Variants in DLGAP4 observed in about 807,000 individuals in gnomAD.
The protein encoded by DLGAP4 is DLG associated protein 4.
In DLGAP4, 18 loss-of-function variants were observed where a neutral mutation model predicts 86.9. The ratio of observed to expected loss-of-function variants is 0.21; its 90% CI spans 0.14 to 0.31. DLGAP4 has a LOEUF of 0.31. DLGAP4 is among the 10% of genes least tolerant of loss of function. The probability of loss-of-function intolerance (pLI) is 1.00; values close to 1 mark genes in which losing one functional copy is unlikely to be tolerated. For synonymous variants in DLGAP4, 548 were observed against 574.3 expected (o/e 0.95, Z 0.65); for missense variants, 1,085 against 1,362.6 (o/e 0.80, Z 3.21).
chr20:36,508,034 T>G (rs1386344250), intron 10 of DLGAP4: 3 of 152,268 alleles, frequency 2.0e-5, no homozygotes, highest in African/African-American at 7.2e-5. Context: ...ACCCTGAGGC[T>G]GCATCCTTTT....
chr20:36,521,315 A>T (rs1286864381), intron 10 of DLGAP4, among the ~76,000 whole-genome samples: 3 of 152,152 alleles, frequency 2.0e-5, no homozygotes. Flanking sequence ...ACTCTGATAG[A>T]TGCATGTTCT....
intron 2 of DLGAP4, among the ~76,000 whole-genome samples, chr20:36,387,772 T>A (rs2031648752): frequency 6.6e-6 from 1 of 152,234 alleles, no homozygotes; most frequent in Admixed American, 6.5e-5. Flanking sequence ...CTCACTGATT[T>A]GAAATACCAT....
chr20:36,336,605 G>A (rs2065324581), intron 1 of DLGAP4, among the ~76,000 whole-genome samples: 1 of 152,212 alleles, frequency 6.6e-6, no homozygotes, highest in South Asian at 2.1e-4. Flanking sequence ...ACCAGCAGGT[G>A]TTTGTGGATG....
intron 2 of DLGAP4, among the ~76,000 whole-genome samples, chr20:36,430,730 G>A (rs1460540642): frequency 3.3e-5 from 5 of 151,692 alleles, no homozygotes; most frequent in Admixed American, 6.6e-5. Context: ...CAAGGTGGGC[G>A]GATCACTTGA....
At chr20:36,498,763 G>A (rs1430788662) in intron 8 of DLGAP4, 1 of 156,296 alleles carries the variant, frequency 6.4e-6, no homozygotes. Context: ...TTGAGTGTGG[G>A]TTTCTCCCTC....
chr20:36,365,901 A>T lies in DLGAP4; in HGVS notation c.-303-1144A>T, dbSNP rs192546717. 2.7e-3 allele frequency among the ~76,000 whole-genome samples: 413 copies of T among 152,006 alleles called. 4 individuals carry two copies. The highest frequency in any genetic ancestry group is 1.3e-3 in the Non-Finnish European group (86 of 67,956). On this transcript the variant is annotated intron_variant, in intron 1 of 12. Coordinates refer to ENST00000339266, the MANE Select transcript of DLGAP4 (RefSeq NM_001365621.2). ...GTGGAAAGCCTGAGTTCAAATCCCG[A>T]CCTACCACTCGGGTTCTGTGTCCCC...
At chr20:36,438,379 A>AAT (rs1490317577) in intron 4 of DLGAP4, among the ~76,000 whole-genome samples, 162 of 86,858 alleles carry the variant, frequency 1.9e-3, no homozygotes, top group African/African-American at 4.7e-3. Context: ...CTCAAAAAAA[A>AAT]ATATATATAT....
intron 2 of DLGAP4, among the ~76,000 whole-genome samples, chr20:36,416,040 C>G (rs1393721696): frequency 6.6e-6 from 1 of 152,212 alleles, no homozygotes; most frequent in Non-Finnish European, 1.5e-5. Context: ...GACCTGTCTT[C>G]CTTTGCTGTA....
At chr20:36,420,168 C>T (rs1292687555) in intron 2 of DLGAP4, among the ~76,000 whole-genome samples, 1 of 152,216 alleles carries the variant, frequency 6.6e-6, no homozygotes, top group Admixed American at 6.5e-5. Context: ...CCTTCCACCA[C>T]TCTTTCATTC....
intron 1 of DLGAP4, among the ~76,000 whole-genome samples, chr20:36,328,650 C>T (rs527858639): frequency 1.6e-4 from 25 of 151,956 alleles, no homozygotes; most frequent in Admixed American, 2.6e-4. Flanking sequence ...TTTTTTGAGA[C>T]GGAATTTTGC....
At chr20:36,387,734 C>A (rs1229038328) in intron 2 of DLGAP4, among the ~76,000 whole-genome samples, 1 of 152,214 alleles carries the variant, frequency 6.6e-6, no homozygotes, top group South Asian at 2.1e-4. Flanking sequence ...ATTGTCCCAG[C>A]AGCATTAATT....
intron 5 of DLGAP4, among the ~76,000 whole-genome samples, chr20:36,441,315 C>T (rs2033441700): frequency 1.3e-5 from 2 of 152,188 alleles, no homozygotes; most frequent in African/African-American, 4.8e-5. Flanking sequence ...AGGCCCTCTG[C>T]ATTTGCTGTT....
intron 2 of DLGAP4, among the ~76,000 whole-genome samples, chr20:36,379,542 G>A (rs2031294775): frequency 6.6e-6 from 1 of 152,180 alleles, no homozygotes; most frequent in South Asian, 2.1e-4. Context: ...GCTGGGGTGG[G>A]GTCAGGTAAG....
intron 9 of DLGAP4, 138 bp downstream of exon 9, chr20:36,499,814 CCAGGCA>C: frequency 1.2e-6 from 1 of 804,246 alleles, no homozygotes; most frequent in East Asian, 2.7e-5. Context: ...GGGTGGTGGC[CCAGGCA>C]TGGGAGGCTG....
intron 8 of DLGAP4, chr20:36,498,991 G>A (rs960284710): frequency 4.4e-5 from 22 of 496,658 alleles, no homozygotes; most frequent in Middle Eastern, 5.3e-4. Context: ...TGTGAATAAC[G>A]TCCAGGGACT....
intron 1 of DLGAP4, among the ~76,000 whole-genome samples, chr20:36,344,620 C>T (rs2065417466): frequency 6.6e-6 from 1 of 152,256 alleles, no homozygotes; most frequent in Admixed American, 6.5e-5. Flanking sequence ...AGGTACTCAT[C>T]TTCCTTTCTT....
chr20:36,415,379 T>C (rs1174476901), intron 2 of DLGAP4, among the ~76,000 whole-genome samples: 1 of 152,160 alleles, frequency 6.6e-6, no homozygotes, highest in African/African-American at 2.4e-5. Flanking sequence ...CAATATGTTG[T>C]GTGACTAGGC....
rs368947036 is a variant in DLGAP4, at chr20:36,446,930, G to A, written c.1641G>A (p.Thr547=). The change falls in exon 7 of 13, where the codon ACG becomes ACA. Residue 547 remains threonine, a synonymous_variant. Coordinates refer to ENST00000339266, the MANE Select transcript of DLGAP4 (RefSeq NM_001365621.2). ...PSTGSLSNSR[T]LPSSSCLVAY... ...CCGGCAGCCTCAGCAATAGTCGCACGCTTCCGAGTGAGTACTGTGATGAGG... is the reference window on the plus strand; with the variant it reads ...CCGGCAGCCTCAGCAATAGTCGCACACTTCCGAGTGAGTACTGTGATGAGG... 45 of 1,608,184 alleles carry A rather than the reference G, an allele frequency of 2.8e-5. No individual in the cohort carries two copies. In the African/African-American group the frequency reaches 3.6e-4, roughly 13 times the overall value.
rs2036248035 is a variant in DLGAP4 at position 36,503,754 on chromosome 20, C to G, written c.2512+3143C>G. ...CCGCCCACCTCAGCCTCCCAAAGTGCAAAGTGCTGGGATTACAGGCGTGAG... is the reference window on the plus strand; with the variant it reads ...CCGCCCACCTCAGCCTCCCAAAGTGGAAAGTGCTGGGATTACAGGCGTGAG... On this transcript the variant is annotated intron_variant, in intron 10 of 12. Coordinates refer to ENST00000339266, the MANE Select transcript of DLGAP4 (RefSeq NM_001365621.2). Among the ~76,000 whole-genome samples, 4 of 152,150 alleles carry G rather than the reference C, an allele frequency of 2.6e-5. No individual in the cohort carries two copies. In the South Asian group the frequency reaches 6.2e-4, roughly 24 times the overall value.
Sources: gnomAD v4.1 joint callset for allele counts (sites outside exome capture counted in the v4.1 genomes callset) on GRCh38, gnomAD v4.1.1 for gene constraint, MANE v1.5 for transcripts, NCBI Gene and HGNC (gene_info 2026-07-23, HGNC 2026-07-21) for gene names.